DBF4: variants seen among roughly 807,000 people sequenced by gnomAD.
DBF4 encodes protein DBF4 homolog A.
DBF4 carries 25 observed loss-of-function variants against 76.6 expected under a neutral mutation model. That is an observed-to-expected ratio of 0.33 (90% confidence interval 0.24 to 0.46). The LOEUF (loss-of-function observed/expected upper bound fraction) is 0.46, where lower values mean the gene tolerates loss of function less well. Ranked by LOEUF, DBF4 falls within the 20% of genes least tolerant of loss-of-function variation. DBF4 has a pLI of 1.00. For missense variants in DBF4, 638 were observed against 760.8 expected (o/e 0.84, Z 1.90); for synonymous variants, 213 against 258.0 (o/e 0.83, Z 1.67).
intron 8 of DBF4, among the ~76,000 whole-genome samples, chr7:87,898,699 G>A (rs1839697543): frequency 6.6e-6 from 1 of 151,144 alleles, no homozygotes; most frequent in Admixed American, 6.6e-5. Context: ...GCTGAGGCAG[G>A]AGAATGGCGT....
chr7:87,886,982 C>T, intron 4 of DBF4, 88 bp downstream of exon 4: 2 of 978,322 alleles, frequency 2.0e-6, no homozygotes, highest in South Asian at 3.2e-5. Flanking sequence ...ATTTTCCTTT[C>T]CACATTTTTA....
chr7:87,886,389 G>T (rs1839352736), intron 3 of DBF4, among the ~76,000 whole-genome samples: 1 of 151,846 alleles, frequency 6.6e-6, no homozygotes, highest in Non-Finnish European at 1.5e-5. Flanking sequence ...ACAAAAATTA[G>T]CCGGGCATGA....
rs1025033585 is a variant in DBF4 at position 87,885,026 on chromosome 7, T to A, written c.267T>A (p.Asn89Lys). The A allele has an allele frequency of 6.2e-7, 1 of 1,613,422 alleles. No homozygotes were observed. Among genetic ancestry groups the A allele is most frequent in the Non-Finnish European group, 8.5e-7 (1 of 1,179,400 alleles). ...LSKDISYLIS[N>K]KKEAKFAQTL... ...AAGATATCAGTTATCTTATTTCAAA[T>A]AAGAAGGAAGCTAAATTTGCACAAA... Residue 89 changes from asparagine to lysine, a missense_variant, in exon 3 of 12, where the codon AAT becomes AAA. Asn to Lys is a moderately conservative substitution (Grantham distance 94, BLOSUM62 0). Coordinates refer to ENST00000265728, the MANE Select transcript of DBF4 (RefSeq NM_006716.4).
At chr7:87,895,978 G>T (rs997919980) in intron 6 of DBF4, among the ~76,000 whole-genome samples, 11 of 152,154 alleles carry the variant, frequency 7.2e-5, no homozygotes, top group African/African-American at 1.9e-4. Context: ...ATGACTGAAG[G>T]TTCCAGTTTT....
intron 11 of DBF4, among the ~76,000 whole-genome samples, chr7:87,905,543 C>T (rs936588168): frequency 6.6e-6 from 1 of 152,112 alleles, no homozygotes; most frequent in South Asian, 2.1e-4. Context: ...TACAGTACTG[C>T]TCAATGTACA....
rs1839041850 is a variant in DBF4 at position 87,876,569 on chromosome 7, CG to C, written c.-162del. ...CGCGCCTTGGAGCCGGATCCGGCCC[CG>C]GAAACCCGACCTGCAGACGCGGTAC... On this transcript the variant is annotated 5_prime_UTR_variant, in exon 1 of 12. Coordinates refer to ENST00000265728, the MANE Select transcript of DBF4 (RefSeq NM_006716.4). 1.4e-6 allele frequency: 1 copy of C among 727,408 alleles called. No individual in the cohort carries two copies. The highest frequency in any genetic ancestry group is 1.8e-5 in the African/African-American group (1 of 56,814). 45.1% of individuals were successfully genotyped at this position (727,408 alleles called of 1,614,324 possible).
rs1489179125 is a variant in DBF4, at chr7:87,909,237, A to G, written c.*1074A>G. Reference sequence around the variant, plus strand: ...AGAAGAGAAAATTCAAATATAAGAAATTTCAATTTGAATCTGTGGATATAA... The same window carrying G: ...AGAAGAGAAAATTCAAATATAAGAAGTTTCAATTTGAATCTGTGGATATAA... On this transcript the variant is annotated 3_prime_UTR_variant, in exon 12 of 12. Coordinates refer to ENST00000265728, the MANE Select transcript of DBF4 (RefSeq NM_006716.4). 1 of 152,188 alleles carries G rather than the reference A, an allele frequency of 6.6e-6. No homozygotes were observed. The highest frequency in any genetic ancestry group is 1.9e-4 in the East Asian group (1 of 5,200). 9.4% of individuals were successfully genotyped at this position (152,188 alleles called of 1,614,324 possible).
intron 6 of DBF4, among the ~76,000 whole-genome samples, chr7:87,894,599 CT>C (rs2131061940): frequency 6.6e-6 from 1 of 152,316 alleles, no homozygotes; most frequent in South Asian, 2.1e-4. Flanking sequence ...GAAGGACTTA[CT>C]TTAGCATGTT....
At chr7:87,902,523 G>A (rs990446890) in intron 10 of DBF4, among the ~76,000 whole-genome samples, 2 of 152,116 alleles carry the variant, frequency 1.3e-5, no homozygotes, top group South Asian at 4.1e-4. Context: ...AAAGTATGAA[G>A]TGCAATGGGA....
chr7:87,896,114 C>A (rs901693634), intron 6 of DBF4: 1 of 212,818 alleles, frequency 4.7e-6, no homozygotes, highest in Non-Finnish European at 9.3e-6. Context: ...CATATTGAAT[C>A]TTTGCCTAAA....
intron 6 of DBF4, among the ~76,000 whole-genome samples, chr7:87,893,579 C>T (rs1374039608): frequency 6.6e-6 from 1 of 152,198 alleles, no homozygotes; most frequent in African/African-American, 2.4e-5. Flanking sequence ...ACCCTTCTAG[C>T]CTCTGTAATG....
At chr7:87,879,117 T>A (rs894343524) in intron 2 of DBF4, among the ~76,000 whole-genome samples, 3 of 152,004 alleles carry the variant, frequency 2.0e-5, no homozygotes, top group African/African-American at 7.3e-5. Flanking sequence ...CCTGGGTAAT[T>A]TTTGTATTTT....
chr7:87,891,791 T>C (rs1839498546), intron 6 of DBF4, among the ~76,000 whole-genome samples: 1 of 152,226 alleles, frequency 6.6e-6, no homozygotes. Context: ...TCTGCTCTTA[T>C]TTCTTTTCTT....
intron 6 of DBF4, among the ~76,000 whole-genome samples, chr7:87,895,057 T>G (rs911233809): frequency 9.2e-5 from 14 of 152,172 alleles, no homozygotes; most frequent in African/African-American, 3.4e-4. Context: ...CCTTTTTTCC[T>G]TAGTCTTTTT....
intron 8 of DBF4, among the ~76,000 whole-genome samples, chr7:87,897,684 G>T (rs1839675371): frequency 6.6e-6 from 1 of 152,198 alleles, no homozygotes; most frequent in African/African-American, 2.4e-5. Context: ...ATTATTAGAT[G>T]CTATTTAGAA....
At chr7:87,888,188 T>G in intron 6 of DBF4, 129 bp downstream of exon 6, 2 of 1,280,874 alleles carry the variant, frequency 1.6e-6, no homozygotes, top group African/African-American at 3.1e-5. Flanking sequence ...GTTTCTGTTA[T>G]TCAAATAAAT....
chr7:87,887,316 T>G lies in DBF4; in HGVS notation c.451-13T>G. On this transcript the variant is annotated splice_polypyrimidine_tract_variant and intron_variant, in intron 4 of 11. Transcript: ENST00000265728. ...AATTTCCTAGAACAACCATAAAACTTTTTTTTTTACAGGATTTTATTCCTT... is the reference window on the plus strand; with the variant it reads ...AATTTCCTAGAACAACCATAAAACTGTTTTTTTTACAGGATTTTATTCCTT... The G allele has an allele frequency of 6.7e-7, 1 of 1,492,058 alleles. No individual in the cohort carries two copies. Among genetic ancestry groups the G allele is most frequent in the Non-Finnish European group, 9.1e-7 (1 of 1,100,302 alleles). 92.4% of individuals were successfully genotyped at this position (1,492,058 alleles called of 1,614,324 possible).
intron 5 of DBF4, among the ~76,000 whole-genome samples, chr7:87,887,619 T>G (rs1252041837): frequency 6.6e-6 from 1 of 152,204 alleles, no homozygotes; most frequent in Non-Finnish European, 1.5e-5. Flanking sequence ...GGGCTGCATC[T>G]GGTGAGGGCC....
At chr7:87,890,123 A>C (rs1443663800) in intron 6 of DBF4, among the ~76,000 whole-genome samples, 1 of 152,238 alleles carries the variant, frequency 6.6e-6, no homozygotes, top group Non-Finnish European at 1.5e-5. Context: ...ATAGAACAAT[A>C]GTTACCCTCC....
Sources: allele counts gnomAD v4.1 joint callset (sites outside exome capture counted in the v4.1 genomes callset), GRCh38; gene constraint gnomAD v4.1.1; transcripts MANE v1.5; gene names NCBI Gene and HGNC (gene_info 2026-07-23, HGNC 2026-07-21).